RALGAPB: variants seen among roughly 807,000 people sequenced by gnomAD.
RALGAPB encodes Ral GTPase activating protein non-catalytic subunit beta.
In RALGAPB, 25 loss-of-function variants were observed where a neutral mutation model predicts 161.1. The ratio of observed to expected loss-of-function variants is 0.16; its 90% CI spans 0.11 to 0.22. RALGAPB has a LOEUF of 0.22. RALGAPB is among the 10% of genes least tolerant of loss of function. The pLI, the probability that RALGAPB is intolerant of heterozygous loss-of-function variation, is 1.00. For missense variants in RALGAPB, 1,391 were observed against 1,815.2 expected, an observed-to-expected ratio of 0.77 and a Z score of 4.25; for synonymous variants, 629 against 626.1, an observed-to-expected ratio of 1.00 and a Z score of -0.07.
chr20:38,510,030 G>A (rs1201916653), intron 6 of RALGAPB, among the ~76,000 whole-genome samples: 1 of 151,774 alleles, frequency 6.6e-6, no homozygotes, highest in Non-Finnish European at 1.5e-5. Context: ...TGATCAGATA[G>A]TCACCTATGA....
intron 1 of RALGAPB, among the ~76,000 whole-genome samples, chr20:38,474,311 AC>A (rs2084741694): frequency 6.6e-6 from 1 of 151,762 alleles, no homozygotes; most frequent in Admixed American, 6.6e-5. Flanking sequence ...TTTTTTTTAG[AC>A]AGAGTCTTGC....
chr20:38,509,284 T>G, intron 6 of RALGAPB, 76 bp downstream of exon 6: 1 of 1,486,936 alleles, frequency 6.7e-7, no homozygotes, highest in Non-Finnish European at 9.3e-7. Flanking sequence ...GTAAGTCTCT[T>G]GTTTGAATTC....
intron 14 of RALGAPB, among the ~76,000 whole-genome samples, chr20:38,532,407 G>A (rs932160849): frequency 1.3e-5 from 2 of 152,092 alleles, no homozygotes; most frequent in Non-Finnish European, 2.9e-5. Flanking sequence ...TTGCTTGGGA[G>A]GCACTAGGGT....
Position 38,488,626 on chromosome 20 carries a change from T to C in RALGAPB, c.186+8T>C. 3 of 1,598,828 alleles carry C rather than the reference T, an allele frequency of 1.9e-6. No individual in the cohort carries two copies. The highest frequency in any genetic ancestry group is 2.6e-6 in the Non-Finnish European group (3 of 1,170,188). On this transcript the variant is annotated splice_region_variant and intron_variant, in intron 2 of 29. Transcript: ENST00000262879. ...TTAAAAACTGACAAAGAAGTAAGTG[T>C]TTCTAAATTTCATTCTCTTATATGA...
intron 5 of RALGAPB, among the ~76,000 whole-genome samples, chr20:38,504,267 G>A (rs1466636306): frequency 6.6e-6 from 1 of 152,076 alleles, no homozygotes; most frequent in African/African-American, 2.4e-5. Flanking sequence ...AGAGAACCCA[G>A]AAGTAAAGCT....
chr20:38,487,120 A>G (rs772639005), intron 1 of RALGAPB, among the ~76,000 whole-genome samples: 9 of 152,244 alleles, frequency 5.9e-5, no homozygotes, highest in Non-Finnish European at 1.0e-4. Flanking sequence ...TGAGTACTTC[A>G]TAAGATGGAT....
intron 27 of RALGAPB, 95 bp downstream of exon 27, chr20:38,570,091 G>T: frequency 1.0e-6 from 1 of 982,928 alleles, no homozygotes; most frequent in Admixed American, 2.0e-5. Flanking sequence ...GCCTGGTGTG[G>T]CCAGGAGCTA....
chr20:38,487,011 A>G (rs1261745519), intron 1 of RALGAPB, among the ~76,000 whole-genome samples: 1 of 152,214 alleles, frequency 6.6e-6, no homozygotes, highest in Non-Finnish European at 1.5e-5. Context: ...GCAGCTTTAT[A>G]TGAACATCCG....
intron 23 of RALGAPB, 142 bp from the exon 24 acceptor site, chr20:38,562,390 C>T: frequency 2.8e-6 from 2 of 719,130 alleles, no homozygotes; most frequent in Non-Finnish European, 4.2e-6. Context: ...GCATTTTTCT[C>T]TATAGTGATA....
chr20:38,531,268 C>T (rs1343366802), intron 14 of RALGAPB, 37 bp downstream of exon 14: 1 of 1,493,572 alleles, frequency 6.7e-7, no homozygotes, highest in Non-Finnish European at 9.3e-7. Context: ...GAGAATATCA[C>T]TTTTGAATTT....
intron 21 of RALGAPB, among the ~76,000 whole-genome samples, chr20:38,551,528 A>G (rs1271271034): frequency 6.6e-6 from 1 of 152,226 alleles, no homozygotes. Flanking sequence ...AGAGACTATT[A>G]TGAGAATCTA....
At chr20:38,502,804 C>T (rs1453739832) in intron 5 of RALGAPB, among the ~76,000 whole-genome samples, 1 of 152,130 alleles carries the variant, frequency 6.6e-6, no homozygotes, top group African/African-American at 2.4e-5. Flanking sequence ...AGGGATTCTC[C>T]ATGTTGGCCA....
At chr20:38,556,085 A>G (rs1309369674) in intron 22 of RALGAPB, among the ~76,000 whole-genome samples, 1 of 152,194 alleles carries the variant, frequency 6.6e-6, no homozygotes. Flanking sequence ...GATTCTTAAA[A>G]AAATAACAAA....
chr20:38,517,965 T>C lies in RALGAPB; in HGVS notation c.1382T>C (p.Leu461Pro). 2 of 1,613,000 alleles carry C rather than the reference T, an allele frequency of 1.2e-6. No homozygotes were observed. The highest frequency in any genetic ancestry group is 2.2e-5 in the South Asian group (2 of 91,062). ...LFDAAFVHCK[L>P]HNGINRDSSM... is the part of the protein sequence containing the mutation. Reference sequence around the variant, plus strand: ...GATGCAGCATTTGTTCACTGTAAACTTCATAATGGGATAAACAGAGACAGC... The same window carrying C: ...GATGCAGCATTTGTTCACTGTAAACCTCATAATGGGATAAACAGAGACAGC... The change falls in exon 9 of 30, where the codon CTT (leucine) becomes CCT (proline). Residue 461 changes from leucine (L) to proline (P), a missense_variant. Around this residue, in one of 3 missense-constraint regions of RALGAPB, gnomAD observed 946 missense variants for 1,257.2 expected, o/e 0.75. Transcript: ENST00000262879.
Position 38,516,292 on chromosome 20 carries a change from T to C in RALGAPB, c.973T>C (p.Tyr325His). ...VSGMPQELNQ[Y>H]PCLKHLPQIF... ...CGGAATGCCGCAAGAATTGAATCAG[T>C]ATCCCTGCCTTAAACATCTGCCTCA... Residue 325 changes from tyrosine (Y) to histidine (H), a missense_variant, in exon 7 of 30, where the codon TAT becomes CAT. Coordinates refer to ENST00000262879, the MANE Select transcript of RALGAPB (RefSeq NM_020336.4). 1.2e-6 allele frequency: 2 copies of C among 1,614,050 alleles called. No individual in the cohort carries two copies. Among genetic ancestry groups the C allele is most frequent in the Non-Finnish European group, 1.7e-6 (2 of 1,179,892 alleles).
intron 1 of RALGAPB, among the ~76,000 whole-genome samples, chr20:38,474,768 G>T (rs1042917808): frequency 2.0e-5 from 3 of 152,100 alleles, no homozygotes; most frequent in African/African-American, 7.2e-5. Flanking sequence ...AAGCTTTAGG[G>T]CAGGGACTAT....
chr20:38,526,665 A>G (rs1400215820), intron 13 of RALGAPB, among the ~76,000 whole-genome samples: 1 of 151,994 alleles, frequency 6.6e-6, no homozygotes, highest in Non-Finnish European at 1.5e-5. Context: ...ACAACACAAA[A>G]CCTGAAATTA....
chr20:38,542,453 C>T (rs1192080549), intron 18 of RALGAPB, among the ~76,000 whole-genome samples: 3 of 151,834 alleles, frequency 2.0e-5, no homozygotes, highest in Non-Finnish European at 2.9e-5. Flanking sequence ...GCTGGACTTT[C>T]GGTGACTTGA....
chr20:38,542,136 A>G (rs923345900), intron 18 of RALGAPB, among the ~76,000 whole-genome samples: 16 of 152,168 alleles, frequency 1.1e-4, no homozygotes, highest in African/African-American at 3.9e-4. Flanking sequence ...ACGTGGAAAG[A>G]TGGGGCTTAT....
Sources: allele counts gnomAD v4.1 joint callset (sites outside exome capture counted in the v4.1 genomes callset), GRCh38; gene constraint gnomAD v4.1.1; regional missense constraint gnomAD v4.1.1; transcripts MANE v1.5; gene names NCBI Gene and HGNC (gene_info 2026-07-23, HGNC 2026-07-21).